CMYA5: variants seen among roughly 807,000 people sequenced by gnomAD.
CMYA5 encodes cardiomyopathy-associated protein 5.
A neutral mutation model predicts 318.9 loss-of-function variants in CMYA5; 246 were observed. The observed-to-expected ratio is 0.77, with a 90% CI of 0.70 to 0.86. CMYA5 has a LOEUF of 0.86. Among genes scored for constraint, CMYA5 ranks in the 40% least tolerant of loss-of-function variants. The pLI is 0.00. For missense variants in CMYA5, 4,589 were observed against 4,678.2 expected, an observed-to-expected ratio of 0.98 and a Z score of 0.56; for synonymous variants, 1,641 against 1,729.5, an observed-to-expected ratio of 0.95 and a Z score of 1.27.
At chr5:79,700,113 C>T (rs934198864) in intron 1 of CMYA5, among the ~76,000 whole-genome samples, 1 of 152,206 alleles carries the variant, frequency 6.6e-6, no homozygotes, top group African/African-American at 2.4e-5. Flanking sequence ...TTATATTTTT[C>T]TTTCTCTTTC....
rs1418320396 is a variant in CMYA5, at chr5:79,730,072, T to C, written c.1307T>C (p.Leu436Pro). ...DVYSAHHSIS[L>P]EAASPGLAAS... ...TATTCTGCTCACCATTCCATTTCTC[T>C]GGAGGCAGCGTCACCAGGTCTGGCA... Residue 436 changes from leucine to proline, a missense_variant, in exon 2 of 13, where the codon CTG (leucine) becomes CCG (proline). Physicochemically the swap from Leu to Pro is moderately conservative, Grantham distance 98 (BLOSUM62 -3). Around this residue, in one of 3 missense-constraint regions of CMYA5, gnomAD observed 2,132 missense variants for 2,131.3 expected, o/e 1.00. Transcript: ENST00000446378. 1 of 1,613,870 alleles carries C rather than the reference T, an allele frequency of 6.2e-7. No individual in the cohort carries two copies. Among genetic ancestry groups the C allele is most frequent in the Non-Finnish European group, 8.5e-7 (1 of 1,179,892 alleles).
Position 79,734,652 on chromosome 5 carries a change from TC to T in CMYA5, c.5888del (p.Ser1963LeufsTer23), listed in dbSNP as rs755327852. On this transcript the variant is annotated frameshift_variant, in exon 2 of 13. Transcript: ENST00000446378. LOFTEE classifies it high-confidence loss of function. The part of the protein sequence containing the change: ...ESHLSSQEAV[S>X]ALDTSSGNTE... ...TCATTTGTCATCACAAGAAGCAGTA[TC>T]TGCTCTTGATACTTCCAGTGGTAAT... is the stretch of plus-strand genomic sequence containing the variant. The T allele has an allele frequency of 1.4e-4, 223 of 1,613,674 alleles. No homozygotes were observed. Among genetic ancestry groups the T allele is most frequent in the Middle Eastern group, 1.6e-4 (1 of 6,082 alleles).
In CMYA5 at chr5:79,734,869, A is replaced by G; in HGVS notation, c.6104A>G (p.Asp2035Gly). ...NTELSWPSKE[D>G]SQEKIKLPPE... ...GAGCTTTCCTGGCCTTCCAAAGAAGATAGCCAGGAAAAAATTAAACTACCT... is the reference window on the plus strand; with the variant it reads ...GAGCTTTCCTGGCCTTCCAAAGAAGGTAGCCAGGAAAAAATTAAACTACCT... The change falls in exon 2 of 13, where the codon GAT becomes GGT. Residue 2035 changes from aspartate (D) to glycine (G), a missense_variant. By Grantham distance (94) the Asp-to-Gly change is moderately conservative. Around this residue, in one of 3 missense-constraint regions of CMYA5, gnomAD observed 2,431 missense variants for 2,495.1 expected, o/e 0.97. Transcript: ENST00000446378. The G allele has an allele frequency of 6.2e-7, 1 of 1,613,820 alleles. No individual in the cohort carries two copies.
At position 79,738,446 on chromosome 5, in the gene CMYA5, T is replaced by C. The variant is rs772649089; in HGVS notation, c.9681T>C (p.Asn3227=). 1.9e-6 allele frequency: 3 copies of C among 1,613,754 alleles called. No individual in the cohort carries two copies. The highest frequency in any genetic ancestry group is 2.5e-6 in the Non-Finnish European group (3 of 1,179,836). Residue 3227 remains asparagine, a synonymous_variant, in exon 2 of 13, where the codon AAT becomes AAC. Coordinates refer to ENST00000446378, the MANE Select transcript of CMYA5 (RefSeq NM_153610.5). ...CTGAGGCATCATTTCCCAGCAGAAA[T>C]TCTGACACTGATGATGGAACAGGAA... is the stretch of plus-strand genomic sequence containing the variant. The part of the protein sequence containing the change: ...VNSEASFPSR[N]SDTDDGTGIY...
At position 79,738,923 on chromosome 5, in the gene CMYA5, T is replaced by C; in HGVS notation, c.10158T>C (p.Ser3386=). The C allele has an allele frequency of 6.2e-7, 1 of 1,613,956 alleles. No homozygotes were observed. Among genetic ancestry groups the C allele is most frequent in the South Asian group, 1.1e-5 (1 of 91,082 alleles). Residue 3386 remains serine (S), a synonymous_variant, in exon 2 of 13, where the codon TCT becomes TCC. Coordinates refer to ENST00000446378, the MANE Select transcript of CMYA5 (RefSeq NM_153610.5). ...CCTTCCCGGAGGAAGAATTTGCATC[T>C]GGTGCAACTCATGTTCAAGAAACAT... ...QVSFPEEEFA[S]GATHVQETSL... is the part of the protein sequence containing the mutation.
At chr5:79,721,135 A>C (rs954589576) in intron 1 of CMYA5, among the ~76,000 whole-genome samples, 8 of 152,182 alleles carry the variant, frequency 5.3e-5, no homozygotes, top group Non-Finnish European at 1.0e-4. Context: ...GTAATCACTA[A>C]AATAATAGTC....
At position 79,737,740 on chromosome 5, in the gene CMYA5, C is replaced by T; in HGVS notation, c.8975C>T (p.Pro2992Leu). Residue 2992 changes from proline (P) to leucine (L), a missense_variant, in exon 2 of 13, where the codon CCT becomes CTT. Transcript: ENST00000446378. The stretch of plus-strand genomic sequence containing the variant: ...GCCTCATTTAAAACCATACCACTCC[C>T]TGATGATAGTGAAACAGTTGCTTGT... Reference protein sequence around the residue: ...EKASFKTIPLPDDSETVACHK... With the variant: ...EKASFKTIPLLDDSETVACHK... 2 of 1,611,694 alleles carry T rather than the reference C, an allele frequency of 1.2e-6. No individual in the cohort carries two copies. The highest frequency in any genetic ancestry group is 4.5e-5 in the East Asian group (2 of 44,854).
rs59770877 is a variant in CMYA5, at chr5:79,784,692, C to T, written c.11556-4279C>T. 9.5e-3 allele frequency among the ~76,000 whole-genome samples: 1,256 copies of T among 131,768 alleles called. 21 individuals carry two copies. The highest frequency in any genetic ancestry group is 0.035 in the African/African-American group (1,159 of 32,820). The allele number at this position is 131,768 out of a possible 152,430, so 86.4% of individuals were successfully genotyped here. ...AGTGACCCGATTTTCCAGGTGCGTCCGTCACCCCTTTCTTTGACTCGGAAA... is the reference window on the plus strand; with the variant it reads ...AGTGACCCGATTTTCCAGGTGCGTCTGTCACCCCTTTCTTTGACTCGGAAA... On this transcript the variant is annotated intron_variant, in intron 9 of 12. Transcript: ENST00000446378.
intron 1 of CMYA5, among the ~76,000 whole-genome samples, chr5:79,722,797 G>A (rs1163819350): frequency 2.0e-5 from 3 of 151,608 alleles, no homozygotes; most frequent in African/African-American, 4.8e-5. Context: ...TAGGTCTTGT[G>A]TACATTTAAA....
In CMYA5 at chr5:79,747,130, A is replaced by G. The variant is rs1446814656; in HGVS notation, c.10991+17A>G. 1 of 1,544,986 alleles carries G rather than the reference A, an allele frequency of 6.5e-7. No homozygotes were observed. The highest frequency in any genetic ancestry group is 2.5e-5 in the East Asian group (1 of 40,452). On this transcript the variant is annotated intron_variant, in intron 5 of 12. Coordinates refer to ENST00000446378, the MANE Select transcript of CMYA5 (RefSeq NM_153610.5). ...CAATGAAAGGTATATAAAACATGAT[A>G]CAATGTAGTGGCAAACAGCATGACT...
chr5:79,762,973 T>C, intron 8 of CMYA5, 89 bp from the exon 9 acceptor site: 1 of 1,423,742 alleles, frequency 7.0e-7, no homozygotes, highest in Non-Finnish European at 9.6e-7. Flanking sequence ...AACAGAATCA[T>C]GCCGAAGCCG....
chr5:79,738,518 A>C lies in CMYA5; in HGVS notation c.9753A>C (p.Thr3251=). ...YILKDDILHD[T]SLTQKDQGQG... ...TCAAAGATGACATTCTCCATGACACATCTCTAACTCAAAAGGACCAGGGCC... is the reference window on the plus strand; with the variant it reads ...TCAAAGATGACATTCTCCATGACACCTCTCTAACTCAAAAGGACCAGGGCC... The change falls in exon 2 of 13, where the codon ACA becomes ACC. Residue 3251 remains threonine, a synonymous_variant. Transcript: ENST00000446378. 1 of 1,613,470 alleles carries C rather than the reference A, an allele frequency of 6.2e-7. No homozygotes were observed. The highest frequency in any genetic ancestry group is 8.5e-7 in the Non-Finnish European group (1 of 1,179,864).
Position 79,799,417 on chromosome 5 carries a change from A to G in CMYA5, c.12011A>G (p.Glu4004Gly). The part of the protein sequence containing the change: ...SGIVSDVHVT[E>G]RPARVGILLD... ...ATTGTGAGTGATGTTCATGTGACTG[A>G]GCGTCCAGCCAGAGTGGGCATCCTG... The change falls in exon 13 of 13, where the codon GAG becomes GGG. Residue 4004 changes from glutamate (E) to glycine (G), a missense_variant. This residue lies in a region of CMYA5 where 2,431 missense variants were observed against 2,495.1 expected (regional missense o/e 0.97). Coordinates refer to ENST00000446378, the MANE Select transcript of CMYA5 (RefSeq NM_153610.5). 1.2e-6 allele frequency: 2 copies of G among 1,613,646 alleles called. No homozygotes were observed. Among genetic ancestry groups the G allele is most frequent in the Non-Finnish European group, 8.5e-7 (1 of 1,179,586 alleles).
At chr5:79,767,657 G>A (rs1828780047) in intron 9 of CMYA5, among the ~76,000 whole-genome samples, 1 of 152,144 alleles carries the variant, frequency 6.6e-6, no homozygotes, top group South Asian at 2.1e-4. Context: ...AATGCACTGT[G>A]GTCTGAGAGA....
intron 1 of CMYA5, among the ~76,000 whole-genome samples, chr5:79,712,248 C>A (rs1287480971): frequency 2.0e-5 from 3 of 152,132 alleles, no homozygotes; most frequent in Non-Finnish European, 2.9e-5. Flanking sequence ...GGAGTCTTGG[C>A]CTGTTGCCCA....
At chr5:79,765,622 C>T (rs569424787) in intron 9 of CMYA5, among the ~76,000 whole-genome samples, 11 of 152,178 alleles carry the variant, frequency 7.2e-5, no homozygotes, top group Non-Finnish European at 1.3e-4. Flanking sequence ...TATCCATGAG[C>T]ATGGAATGTT....
chr5:79,776,894 G>T (rs1226114454), intron 9 of CMYA5, among the ~76,000 whole-genome samples: 2 of 152,136 alleles, frequency 1.3e-5, no homozygotes, highest in Non-Finnish European at 2.9e-5. Context: ...TTGTACACAG[G>T]CCGCCCCGCT....
intron 1 of CMYA5, among the ~76,000 whole-genome samples, chr5:79,723,251 C>A (rs1827676594): frequency 6.6e-6 from 1 of 151,770 alleles, no homozygotes; most frequent in Non-Finnish European, 1.5e-5. Flanking sequence ...CCAGCCTGGC[C>A]AACATGGTGA....
rs537003674 is a variant in CMYA5, at chr5:79,769,926, T to C, written c.11555+6717T>C. On this transcript the variant is annotated intron_variant, in intron 9 of 12. Transcript: ENST00000446378. ...CAACTGCCCCTTCCCCCAAGTGCTC[T>C]GTTCCAGGTAGATGGGAGTTTTATC... Among the ~76,000 whole-genome samples the C allele has an allele frequency of 3.2e-4, 49 of 152,326 alleles. No homozygotes were observed. The South Asian group carries it at 8.3e-3, about 26-fold the overall frequency.
Sources: allele counts gnomAD v4.1 joint callset (sites outside exome capture counted in the v4.1 genomes callset), GRCh38; gene constraint gnomAD v4.1.1; regional missense constraint gnomAD v4.1.1; transcripts MANE v1.5; gene names NCBI Gene and HGNC (gene_info 2026-07-23, HGNC 2026-07-21).